Variants in ACTR3C observed in about 807,000 individuals in gnomAD.
ACTR3C encodes the protein actin-related protein 3C.
Under a neutral mutation model 26.3 loss-of-function variants are expected in ACTR3C, and 18 were observed. That is an observed-to-expected ratio of 0.68 (90% CI 0.47 to 1.01). The LOEUF (loss-of-function observed/expected upper bound fraction) is 1.01. Ranked by LOEUF, ACTR3C falls within the 50% of genes least tolerant of loss-of-function variation. The pLI, the probability that ACTR3C is intolerant of heterozygous loss-of-function variation, is 0.00. For synonymous variants in ACTR3C, 55 were observed against 94.5 expected (o/e 0.58, Z 2.42); for missense variants, 184 against 250.7 (o/e 0.73, Z 1.80).
the ACTR3C span, among the ~76,000 whole-genome samples, chr7:149,986,923 C>T: frequency 0.24 from 33,555 of 139,360 alleles, 4,037 homozygotes; most frequent in South Asian, 0.29. Context: ...GTTGCTCCCC[C>T]ACCCTGCACC....
the ACTR3C span, among the ~76,000 whole-genome samples, chr7:150,023,778 G>T: frequency 2.7e-5 from 4 of 147,788 alleles, no homozygotes; most frequent in Non-Finnish European, 6.0e-5. Flanking sequence ...TTGTGTAAAG[G>T]TAAGTATGGA....
At chr7:150,242,829 A>G (rs1584807647), downstream of ACTR3C, among the ~76,000 whole-genome samples, 2 of 152,172 alleles carry the variant, frequency 1.3e-5, no homozygotes, top group South Asian at 4.1e-4. Flanking sequence ...TGTGAAGAGG[A>G]AATACCTTTT....
the ACTR3C span, among the ~76,000 whole-genome samples, chr7:149,960,276 G>A: frequency 6.6e-6 from 1 of 152,154 alleles, no homozygotes; most frequent in South Asian, 2.1e-4. Context: ...TTATGTGCTT[G>A]TGAGAGCATT....
At chr7:150,029,925 A>AT in the ACTR3C span, among the ~76,000 whole-genome samples, 2 of 149,500 alleles carry the variant, frequency 1.3e-5, no homozygotes, top group Non-Finnish European at 3.0e-5. Flanking sequence ...GTTATCTCCC[A>AT]TTAACTCTTC....
At chr7:150,032,038 C>A in the ACTR3C span, among the ~76,000 whole-genome samples, 1 of 152,242 alleles carries the variant, frequency 6.6e-6, no homozygotes, top group East Asian at 1.9e-4. Context: ...CAGCCTTGCC[C>A]CTTCTTCCGG....
chr7:150,204,497 T>C, the ACTR3C span, among the ~76,000 whole-genome samples: 2 of 151,254 alleles, frequency 1.3e-5, no homozygotes, highest in South Asian at 4.2e-4. Flanking sequence ...ACATTCTATG[T>C]GAGGGTCTCC....
At chr7:150,292,786 C>A (rs1165122992) in intron 3 of ACTR3C, among the ~76,000 whole-genome samples, 5 of 152,072 alleles carry the variant, frequency 3.3e-5, no homozygotes. Flanking sequence ...CGTGAGCCAC[C>A]GCGCCCAGCC....
At chr7:150,186,704 G>A in the ACTR3C span, among the ~76,000 whole-genome samples, 9 of 152,142 alleles carry the variant, frequency 5.9e-5, no homozygotes, top group Admixed American at 5.9e-4. Context: ...ATCATTGTGT[G>A]TGTTAGAGCT....
At chr7:150,045,395 T>C in the ACTR3C span, among the ~76,000 whole-genome samples, 1 of 152,262 alleles carries the variant, frequency 6.6e-6, no homozygotes, top group East Asian at 1.9e-4. Context: ...GCCTGTGTCA[T>C]GAGTTTAATT....
At chr7:150,270,624 T>C (rs2689553) in intron 6 of ACTR3C, among the ~76,000 whole-genome samples, 34,200 of 140,496 alleles carry the variant, frequency 0.24, 4,403 homozygotes, top group African/African-American at 0.48. Context: ...CCCCCCGCCC[T>C]GCAGCCCATG....
At chr7:149,959,126 A>T in the ACTR3C span, among the ~76,000 whole-genome samples, 7,233 of 152,252 alleles carry the variant, frequency 0.048, 263 homozygotes, top group East Asian at 0.15. Context: ...AGGTCATGGC[A>T]GCTGATCATG....
At chr7:150,032,994 C>G in the ACTR3C span, among the ~76,000 whole-genome samples, 1 of 152,042 alleles carries the variant, frequency 6.6e-6, no homozygotes, top group Non-Finnish European at 1.5e-5. Flanking sequence ...CACAGAAGAG[C>G]GTAGCAGGGA....
chr7:149,934,334 C>G, the ACTR3C span, among the ~76,000 whole-genome samples: 1 of 152,158 alleles, frequency 6.6e-6, no homozygotes, highest in African/African-American at 2.4e-5. Flanking sequence ...TTCCAGGTGT[C>G]GAGTTTGACT....
At chr7:149,960,089 C>T in the ACTR3C span, among the ~76,000 whole-genome samples, 5 of 151,670 alleles carry the variant, frequency 3.3e-5, no homozygotes, top group Admixed American at 3.3e-4. Context: ...CAGAACTCTA[C>T]CTAAATTATC....
chr7:149,989,128 G>T, the ACTR3C span, among the ~76,000 whole-genome samples: 3 of 152,082 alleles, frequency 2.0e-5, no homozygotes, highest in Non-Finnish European at 4.4e-5. Flanking sequence ...CCCTGGTAAG[G>T]TTCCCCAACC....
chr7:150,072,905 C>T, the ACTR3C span, among the ~76,000 whole-genome samples: 21 of 152,104 alleles, frequency 1.4e-4, 1 homozygote, highest in East Asian at 1.6e-3. Flanking sequence ...AGGGACAAAC[C>T]ACCTGCCCAG....
chr7:150,199,616 TA>T, the ACTR3C span, among the ~76,000 whole-genome samples: 2,314 of 83,754 alleles, frequency 0.028, 30 homozygotes, highest in Non-Finnish European at 0.037. Flanking sequence ...AAAATAAATT[TA>T]AAAAAAAAAA....
chr7:149,929,210 T>C, the ACTR3C span, among the ~76,000 whole-genome samples: 1 of 152,014 alleles, frequency 6.6e-6, no homozygotes, highest in Non-Finnish European at 1.5e-5. Context: ...GGTGGATTGC[T>C]TGAGATCAGG....
At chr7:150,037,831 C>CCACCCTCACGGGGT in the ACTR3C span, among the ~76,000 whole-genome samples, 4 of 78,844 alleles carry the variant, frequency 5.1e-5, no homozygotes, top group African/African-American at 1.8e-4. Flanking sequence ...CACTCAGTCC[C>CCACCCTCACGGGGT]TGCCTCGCGG....
Sources: allele counts gnomAD v4.1 joint callset (sites outside exome capture counted in the v4.1 genomes callset), GRCh38; gene constraint gnomAD v4.1.1; transcripts MANE v1.5; gene names NCBI Gene and HGNC (gene_info 2026-07-23, HGNC 2026-07-21).